Variants in RAMP1 observed in about 807,000 individuals in gnomAD.
RAMP1 encodes the protein receptor activity modifying protein 1.
Under a neutral mutation model 8.2 loss-of-function variants are expected in RAMP1, and 7 were observed. The ratio of observed to expected loss-of-function variants is 0.85; its 90% CI spans 0.49 to 1.60. RAMP1 has a LOEUF of 1.60. Ranked by LOEUF, RAMP1 falls within the 40% of genes most tolerant of loss-of-function variation. The probability of loss-of-function intolerance (pLI) is 0.00; values close to 1 mark genes in which losing one functional copy is unlikely to be tolerated. For missense variants in RAMP1, 192 were observed against 202.4 expected, an observed-to-expected ratio of 0.95 and a Z score of 0.31; for synonymous variants, 92 against 84.7, an observed-to-expected ratio of 1.09 and a Z score of -0.47.
At chr2:237,867,669 C>T (rs1192571228) in intron 1 of RAMP1, among the ~76,000 whole-genome samples, 2 of 152,168 alleles carry the variant, frequency 1.3e-5, no homozygotes, top group East Asian at 1.9e-4. Flanking sequence ...TCAGAGGCTG[C>T]GAACCTACCG....
intron 2 of RAMP1, 66 bp from the exon 3 acceptor site, chr2:237,911,462 G>C: frequency 6.3e-7 from 1 of 1,583,808 alleles, no homozygotes. Context: ...GCAGCAGCCC[G>C]GGCTGGGGTC....
rs187381543 is a variant in RAMP1 at position 237,859,818 on chromosome 2, G to A, written c.52+91G>A. The stretch of plus-strand genomic sequence containing the variant: ...AGGAGGGGAGCGGGTGGGAGCGGGT[G>A]GGAGCGGGTGGGGGCGGGCGCCGCG... On this transcript the variant is annotated intron_variant, in intron 1 of 2. Transcript: ENST00000254661. 924 of 1,173,042 alleles carry A rather than the reference G, an allele frequency of 7.9e-4. 10 individuals carry two copies. The African/African-American group carries it at 0.014, about 18-fold the overall frequency. 72.7% of individuals were successfully genotyped at this position (1,173,042 alleles called of 1,614,324 possible). A position where few individuals can be genotyped will look rare whatever the true frequency, so the allele number is the denominator to read the frequency against.
chr2:237,894,268 G>A lies in RAMP1; in HGVS notation c.191+16906G>A, dbSNP rs565808109. 1.2e-4 allele frequency among the ~76,000 whole-genome samples: 19 copies of A among 152,260 alleles called. No individual in the cohort carries two copies. The East Asian group carries it at 3.7e-3, about 29-fold the overall frequency. The stretch of plus-strand genomic sequence containing the variant: ...TTACAGGCGTGAGCCACTTCACCCG[G>A]CCTAAAGTAGTTTTTAATTAGGATA... On this transcript the variant is annotated intron_variant, in intron 2 of 2. Coordinates refer to ENST00000254661, the MANE Select transcript of RAMP1 (RefSeq NM_005855.4).
At chr2:237,891,154 CTTTTT>C (rs1169507970) in intron 2 of RAMP1, among the ~76,000 whole-genome samples, 2 of 143,722 alleles carry the variant, frequency 1.4e-5, no homozygotes, top group Non-Finnish European at 3.0e-5. Flanking sequence ...ATTGTATTCT[CTTTTT>C]TTTTTTTTGA....
intron 1 of RAMP1, among the ~76,000 whole-genome samples, chr2:237,869,275 C>A (rs550780004): frequency 6.6e-6 from 1 of 152,170 alleles, no homozygotes. Flanking sequence ...ATTTTAATTG[C>A]GGTAAAGTAT....
In RAMP1 at chr2:237,897,786, GT is replaced by G. The variant is rs372104383; in HGVS notation, c.192-13738del. 2.4e-3 allele frequency among the ~76,000 whole-genome samples: 337 copies of G among 139,182 alleles called. 1 individual carries two copies. Among genetic ancestry groups the G allele is most frequent in the Non-Finnish European group, 4.2e-3 (263 of 62,438 alleles). The allele number at this position is 139,182 out of a possible 152,430, so 91.3% of individuals were successfully genotyped here. Reference sequence around the variant, plus strand: ...GTTTGTTTTGGTTTTTTGGGGGGGGGTTTTGTTTTTTGTTTGTTTGTTTGTT... The same window carrying G: ...GTTTGTTTTGGTTTTTTGGGGGGGGGTTTGTTTTTTGTTTGTTTGTTTGTT... On this transcript the variant is annotated intron_variant, in intron 2 of 2. Transcript: ENST00000254661.
chr2:237,897,760 T>C (rs1464666845), intron 2 of RAMP1, among the ~76,000 whole-genome samples: 1 of 121,836 alleles, frequency 8.2e-6, no homozygotes, highest in Non-Finnish European at 1.7e-5. Context: ...CTTCTTTTTT[T>C]GTTTGTTTTG....
chr2:237,870,358 G>GGAC (rs2062232984), intron 1 of RAMP1, among the ~76,000 whole-genome samples: 1 of 152,242 alleles, frequency 6.6e-6, no homozygotes, highest in African/African-American at 2.4e-5. Context: ...CCCTGCCTGA[G>GGAC]GACTCTCCAG....
At chr2:237,901,908 T>C (rs1234815251) in intron 2 of RAMP1, among the ~76,000 whole-genome samples, 7 of 151,922 alleles carry the variant, frequency 4.6e-5, no homozygotes, top group Admixed American at 3.3e-4. Flanking sequence ...TAATAACCCA[T>C]CCACCAGGAC....
intron 2 of RAMP1, among the ~76,000 whole-genome samples, chr2:237,889,035 G>T (rs2062463544): frequency 6.6e-6 from 1 of 152,152 alleles, no homozygotes; most frequent in Non-Finnish European, 1.5e-5. Flanking sequence ...GGCCTCCCAA[G>T]ATTACAGGCA....
At chr2:237,867,252 A>G (rs1312649814) in intron 1 of RAMP1, among the ~76,000 whole-genome samples, 1 of 151,966 alleles carries the variant, frequency 6.6e-6, no homozygotes, top group African/African-American at 2.4e-5. Context: ...CCCACAGAAA[A>G]TATATATACT....
At chr2:237,906,714 C>CCT (rs1233486948) in intron 2 of RAMP1, among the ~76,000 whole-genome samples, 5 of 134,162 alleles carry the variant, frequency 3.7e-5, no homozygotes, top group African/African-American at 1.1e-4. Context: ...CTTATATCAA[C>CCT]CTCTTTTTTT....
At chr2:237,894,351 A>G (rs1046454366) in intron 2 of RAMP1, among the ~76,000 whole-genome samples, 2 of 152,250 alleles carry the variant, frequency 1.3e-5, no homozygotes, top group African/African-American at 4.8e-5. Flanking sequence ...CCCCAAGCCT[A>G]ATGGACACAT....
In RAMP1 at chr2:237,910,131, C is replaced by T. The variant is rs539758949; in HGVS notation, c.192-1397C>T. Among the ~76,000 whole-genome samples the T allele has an allele frequency of 7.2e-5, 11 of 152,218 alleles. No homozygotes were observed. In the East Asian group the frequency reaches 1.2e-3, roughly 16 times the overall value. ...GTGGTGAAGTCCATATGGGGTCACA[C>T]GTACCCGGTCACACACACAGAATAA... On this transcript the variant is annotated intron_variant, in intron 2 of 2. Transcript: ENST00000254661.
chr2:237,901,572 CTGTGGCTAGAA>C (rs1055182605), intron 2 of RAMP1, among the ~76,000 whole-genome samples: 5 of 152,218 alleles, frequency 3.3e-5, no homozygotes, highest in African/African-American at 1.2e-4. Flanking sequence ...ACACTGGCCA[CTGTGGCTAGAA>C]TGTGGCCAGC....
chr2:237,859,655 G>C lies in RAMP1; in HGVS notation c.-21G>C. 2 of 1,454,520 alleles carry C rather than the reference G, an allele frequency of 1.4e-6. No individual in the cohort carries two copies. Among genetic ancestry groups the C allele is most frequent in the Non-Finnish European group, 1.8e-6 (2 of 1,101,634 alleles). 90.1% of individuals were successfully genotyped at this position (1,454,520 alleles called of 1,614,324 possible). ...AGCGGGGCGCGTGGCGAGCGGACTCGACTCGGCACCGCTGTGCACCATGGC... is the reference window on the plus strand; with the variant it reads ...AGCGGGGCGCGTGGCGAGCGGACTCCACTCGGCACCGCTGTGCACCATGGC... On this transcript the variant is annotated 5_prime_UTR_variant, in exon 1 of 3. Transcript: ENST00000254661.
At chr2:237,911,092 T>A (rs1410236840) in intron 2 of RAMP1, among the ~76,000 whole-genome samples, 1 of 151,484 alleles carries the variant, frequency 6.6e-6, no homozygotes, top group Non-Finnish European at 1.5e-5. Context: ...TTACACATAG[T>A]CACACACAGT....
rs1013467673 is a variant in RAMP1 at position 237,911,733 on chromosome 2, G to T, written c.397G>T (p.Val133Leu). 2 of 1,613,340 alleles carry T rather than the reference G, an allele frequency of 1.2e-6. No individual in the cohort carries two copies. Among genetic ancestry groups the T allele is most frequent in the African/African-American group, 1.3e-5 (1 of 74,926 alleles). Residue 133 changes from valine to leucine, a missense_variant, in exon 3 of 3, where the codon GTG becomes TTG. Val to Leu is a conservative substitution (Grantham distance 32, BLOSUM62 1). Coordinates refer to ENST00000254661, the MANE Select transcript of RAMP1 (RefSeq NM_005855.4). ...GGTCCCCATCACGGTGACCCTGCTG[G>T]TGACGGCACTGGTGGTCTGGCAGAG... ...IVVPITVTLL[V>L]TALVVWQSKR...
At chr2:237,875,149 T>C (rs950330083) in intron 1 of RAMP1, among the ~76,000 whole-genome samples, 14 of 152,050 alleles carry the variant, frequency 9.2e-5, no homozygotes, top group African/African-American at 3.4e-4. Flanking sequence ...CTGTCCACAG[T>C]AGGTGGGCTT....
Sources: gnomAD v4.1 joint callset for allele counts (sites outside exome capture counted in the v4.1 genomes callset) on GRCh38, gnomAD v4.1.1 for gene constraint, MANE v1.5 for transcripts, NCBI Gene and HGNC (gene_info 2026-07-23, HGNC 2026-07-21) for gene names.